CAPZA2: variants seen among roughly 807,000 people sequenced by gnomAD.
The protein encoded by CAPZA2 is capping actin protein of muscle Z-line subunit alpha 2.
CAPZA2 carries 13 observed loss-of-function variants against 44.0 expected under a neutral mutation model. The ratio of observed to expected loss-of-function variants is 0.30; its 90% CI spans 0.19 to 0.47. The LOEUF (loss-of-function observed/expected upper bound fraction) is 0.47. Ranked by LOEUF, CAPZA2 falls within the 20% of genes least tolerant of loss-of-function variation. The pLI, the probability that CAPZA2 is intolerant of heterozygous loss-of-function variation, is 1.00. For missense variants in CAPZA2, 244 were observed against 338.6 expected, an observed-to-expected ratio of 0.72 and a Z score of 2.19; for synonymous variants, 94 against 108.2, an observed-to-expected ratio of 0.87 and a Z score of 0.81.
intron 1 of CAPZA2, 96 bp downstream of exon 1, chr7:116,862,746 C>T (rs1054998240): frequency 1.3e-5 from 17 of 1,343,168 alleles, no homozygotes; most frequent in African/African-American, 9.1e-5. Context: ...GGCATTGGCC[C>T]GCAGCTGGCC....
At chr7:116,915,597 T>C (rs1347360976) in intron 8 of CAPZA2, 2 of 151,242 alleles carry the variant, frequency 1.3e-5, no homozygotes, top group Non-Finnish European at 3.0e-5. Context: ...TCTATTGGCA[T>C]GTTAAAAAAA....
Position 116,917,716 on chromosome 7 carries a change from G to A in CAPZA2, c.721-11G>A. 2 of 1,586,592 alleles carry A rather than the reference G, an allele frequency of 1.3e-6. No homozygotes were observed. The highest frequency in any genetic ancestry group is 2.7e-5 in the African/African-American group (2 of 74,462). ...GCTTTACTTTAAACTTCTAACTATTGTTTTTCATAGACTGCCATCAGTGAG... is the reference window on the plus strand; with the variant it reads ...GCTTTACTTTAAACTTCTAACTATTATTTTTCATAGACTGCCATCAGTGAG... On this transcript the variant is annotated splice_polypyrimidine_tract_variant and intron_variant, in intron 9 of 9. Transcript: ENST00000361183.
intron 2 of CAPZA2, among the ~76,000 whole-genome samples, chr7:116,889,067 T>C (rs1796799658): frequency 6.6e-6 from 1 of 152,216 alleles, no homozygotes; most frequent in Admixed American, 6.5e-5. Flanking sequence ...TCCTTTAAAC[T>C]TCACTGGCAG....
At chr7:116,891,796 C>T (rs1209067963) in intron 2 of CAPZA2, among the ~76,000 whole-genome samples, 1 of 152,182 alleles carries the variant, frequency 6.6e-6, no homozygotes, top group African/African-American at 2.4e-5. Context: ...CAGGCATGAG[C>T]CACCACACCC....
intron 9 of CAPZA2, 37 bp from the exon 10 acceptor site, chr7:116,917,690 T>C: frequency 1.4e-6 from 2 of 1,467,602 alleles, no homozygotes; most frequent in Non-Finnish European, 1.9e-6. Context: ...TTCTGTTCTT[T>C]GCTTTACTTT....
intron 1 of CAPZA2, among the ~76,000 whole-genome samples, chr7:116,876,590 A>G (rs1340297624): frequency 1.3e-5 from 2 of 152,230 alleles, no homozygotes; most frequent in Non-Finnish European, 2.9e-5. Flanking sequence ...ATTTTTGAGT[A>G]TCTGAATTCC....
At chr7:116,903,179 C>T (rs916879298) in intron 4 of CAPZA2, among the ~76,000 whole-genome samples, 3 of 151,450 alleles carry the variant, frequency 2.0e-5, no homozygotes, top group African/African-American at 7.3e-5. Flanking sequence ...TATCACTTGA[C>T]TTTGAGGGAT....
At chr7:116,910,404 C>A in intron 7 of CAPZA2, 93 bp downstream of exon 7, 1 of 658,876 alleles carries the variant, frequency 1.5e-6, no homozygotes, top group Non-Finnish European at 2.7e-6. Context: ...ATATCATACA[C>A]ATTTCTTTTT....
rs1392820945 is a variant in CAPZA2, at chr7:116,890,607, CACACACAT to C, written c.104-2385_104-2378del. Among the ~76,000 whole-genome samples, 148 of 64,692 alleles carry C rather than the reference CACACACAT, an allele frequency of 2.3e-3. 6 individuals are homozygous for C. The highest frequency in any genetic ancestry group is 3.7e-3 in the Non-Finnish European group (120 of 32,520). The allele number at this position is 64,692 out of a possible 152,430, so 42.4% of individuals were successfully genotyped here. On this transcript the variant is annotated intron_variant, in intron 2 of 9. Transcript: ENST00000361183. Reference sequence around the variant, plus strand: ...ATATATATATATATATACACACACACACACACATATATACAAAAATTAGCAGGGTGTGG... The same window carrying C: ...ATATATATATATATATACACACACACATATACAAAAATTAGCAGGGTGTGG...
Position 116,887,706 on chromosome 7 carries a change from G to A in CAPZA2, c.40-421G>A, listed in dbSNP as rs541132367. On this transcript the variant is annotated intron_variant, in intron 1 of 9. Coordinates refer to ENST00000361183, the MANE Select transcript of CAPZA2 (RefSeq NM_006136.3). ...AAATTAGCTGGGCATGGCGGCACGC[G>A]CCTGTAGTCCCAGCTACTTGGGAGG... Among the ~76,000 whole-genome samples the A allele has an allele frequency of 8.5e-5, 13 of 152,320 alleles. No homozygotes were observed. The East Asian group carries it at 2.1e-3, about 25-fold the overall frequency.
At chr7:116,904,947 A>G (rs1192846540) in intron 5 of CAPZA2, among the ~76,000 whole-genome samples, 4 of 146,960 alleles carry the variant, frequency 2.7e-5, no homozygotes, top group African/African-American at 1.0e-4. Flanking sequence ...CCTGGCCAGC[A>G]TGGTGAAACC....
At chr7:116,887,695 T>C (rs1041404235) in intron 1 of CAPZA2, among the ~76,000 whole-genome samples, 3 of 152,206 alleles carry the variant, frequency 2.0e-5, no homozygotes, top group Non-Finnish European at 2.9e-5. Context: ...TAGCTGGGCA[T>C]GGCGGCACGC....
chr7:116,880,490 C>T (rs1452649074), intron 1 of CAPZA2, among the ~76,000 whole-genome samples: 20 of 151,306 alleles, frequency 1.3e-4, no homozygotes, highest in Admixed American at 7.9e-4. Flanking sequence ...CTCTGCCTCC[C>T]GGATTCAAGC....
Position 116,920,389 on chromosome 7 carries a change from C to T in CAPZA2, c.*2522C>T, listed in dbSNP as rs975927459. The stretch of plus-strand genomic sequence containing the variant: ...GTAGGCTGAAGTGTGGTGGCAAAGG[C>T]ATAATCAGGGAGAACAGCTAGGAGA... On this transcript the variant is annotated 3_prime_UTR_variant, in exon 10 of 10. Coordinates refer to ENST00000361183, the MANE Select transcript of CAPZA2 (RefSeq NM_006136.3). The T allele has an allele frequency of 3.3e-5, 5 of 152,274 alleles. No individual in the cohort carries two copies. Among genetic ancestry groups the T allele is most frequent in the South Asian group, 2.1e-4 (1 of 4,810 alleles). 9.4% of individuals were successfully genotyped at this position (152,274 alleles called of 1,614,324 possible). A position where few individuals can be genotyped will look rare whatever the true frequency, so the allele number is the denominator to read the frequency against.
At chr7:116,901,557 G>A (rs1448373287) in intron 4 of CAPZA2, among the ~76,000 whole-genome samples, 1 of 152,054 alleles carries the variant, frequency 6.6e-6, no homozygotes, top group African/African-American at 2.4e-5. Context: ...AATAACTAAT[G>A]GGTACTAGGC....
At chr7:116,912,651 G>T (rs1363279517) in intron 8 of CAPZA2, among the ~76,000 whole-genome samples, 1 of 152,138 alleles carries the variant, frequency 6.6e-6, no homozygotes, top group African/African-American at 2.4e-5. Flanking sequence ...TTTGGAGCAT[G>T]TATTAGTACG....
chr7:116,900,874 C>T (rs1046343357), intron 4 of CAPZA2, among the ~76,000 whole-genome samples: 1 of 151,946 alleles, frequency 6.6e-6, no homozygotes, highest in African/African-American at 2.4e-5. Context: ...TTTTCCAAAG[C>T]AGACATACTT....
chr7:116,912,495 C>A (rs1356632421), intron 8 of CAPZA2, among the ~76,000 whole-genome samples: 1 of 152,162 alleles, frequency 6.6e-6, no homozygotes. Flanking sequence ...GCCCTTCCCC[C>A]AGAACCCTCC....
chr7:116,877,058 G>A (rs1230973242), intron 1 of CAPZA2, among the ~76,000 whole-genome samples: 1 of 152,180 alleles, frequency 6.6e-6, no homozygotes, highest in Non-Finnish European at 1.5e-5. Context: ...AAGATTGTTT[G>A]GCTAGGGGAC....
Sources: allele counts gnomAD v4.1 joint callset (sites outside exome capture counted in the v4.1 genomes callset), GRCh38; gene constraint gnomAD v4.1.1; transcripts MANE v1.5; gene names NCBI Gene and HGNC (gene_info 2026-07-23, HGNC 2026-07-21).